ADAMTSL3: variants seen among roughly 807,000 people sequenced by gnomAD.
ADAMTSL3 encodes ADAMTS like 3, also known as ADAMTS-like protein 3.
Under a neutral mutation model 201.7 loss-of-function variants are expected in ADAMTSL3, and 128 were observed. The ratio of observed to expected loss-of-function variants is 0.63; its 90% CI spans 0.55 to 0.73. ADAMTSL3 has a LOEUF of 0.73. Among genes scored for constraint, ADAMTSL3 ranks in the 30% least tolerant of loss-of-function variants. ADAMTSL3 has a pLI of 0.00. For synonymous variants in ADAMTSL3, 738 were observed against 748.4 expected (o/e 0.99, Z 0.23); for missense variants, 1,990 against 2,119.6 (o/e 0.94, Z 1.20).
chr15:83,795,177 A>G (rs2063405180), intron 4 of ADAMTSL3, among the ~76,000 whole-genome samples: 4 of 152,110 alleles, frequency 2.6e-5, no homozygotes, highest in Non-Finnish European at 5.9e-5. Context: ...TTTAAATAGA[A>G]GATTTAATTT....
Position 84,037,925 on chromosome 15 carries a change from C to T in ADAMTSL3, c.*119C>T. 1 of 1,400,930 alleles carries T rather than the reference C, an allele frequency of 7.1e-7. No individual in the cohort carries two copies. The highest frequency in any genetic ancestry group is 2.5e-5 in the East Asian group (1 of 39,738). The allele number at this position is 1,400,930 out of a possible 1,614,324, so 86.8% of individuals were successfully genotyped here. A position where few individuals can be genotyped will look rare whatever the true frequency, so the allele number is the denominator to read the frequency against. ...AAAAGACTAGATTCTATGGATCAAA[C>T]AGAGGTTGATGCAAAAACACCACTG... is the stretch of plus-strand genomic sequence containing the variant. On this transcript the variant is annotated 3_prime_UTR_variant, in exon 30 of 30. Coordinates refer to ENST00000286744, the MANE Select transcript of ADAMTSL3 (RefSeq NM_207517.3).
chr15:83,820,281 T>C (rs1294967921), intron 6 of ADAMTSL3, among the ~76,000 whole-genome samples: 3 of 152,204 alleles, frequency 2.0e-5, no homozygotes, highest in African/African-American at 7.2e-5. Context: ...TTTCATTATG[T>C]TGGCCAGGCT....
At chr15:83,785,032 A>G (rs1269105469) in intron 4 of ADAMTSL3, among the ~76,000 whole-genome samples, 2 of 152,166 alleles carry the variant, frequency 1.3e-5, no homozygotes, top group Non-Finnish European at 2.9e-5. Context: ...TTGAGTCCCC[A>G]TTTCTTCCTT....
At chr15:83,743,207 C>A (rs145868322) in intron 3 of ADAMTSL3, among the ~76,000 whole-genome samples, 22 of 152,248 alleles carry the variant, frequency 1.4e-4, no homozygotes, top group Admixed American at 1.2e-3. Flanking sequence ...AAATCAGGAA[C>A]CTGTCTAACA....
intron 20 of ADAMTSL3, among the ~76,000 whole-genome samples, chr15:83,977,481 A>G (rs1352770475): frequency 6.6e-6 from 1 of 152,218 alleles, no homozygotes; most frequent in African/African-American, 2.4e-5. Context: ...TAAAACTACA[A>G]AATCATCCAA....
intron 17 of ADAMTSL3, among the ~76,000 whole-genome samples, chr15:83,936,306 C>T (rs924120882): frequency 6.7e-6 from 1 of 149,936 alleles, no homozygotes; most frequent in African/African-American, 2.5e-5. Flanking sequence ...AAGGGTAAAC[C>T]TAAAAATAAA....
chr15:83,811,462 A>C (rs1286043591), intron 5 of ADAMTSL3, among the ~76,000 whole-genome samples: 1 of 152,020 alleles, frequency 6.6e-6, no homozygotes, highest in Non-Finnish European at 1.5e-5. Context: ...CCAAAAAGGA[A>C]CCTATTATCA....
At chr15:83,796,021 A>G (rs2063419934) in intron 4 of ADAMTSL3, among the ~76,000 whole-genome samples, 1 of 152,234 alleles carries the variant, frequency 6.6e-6, no homozygotes, top group Admixed American at 6.5e-5. Flanking sequence ...AGTTAATAAA[A>G]TGAATACTTA....
intron 13 of ADAMTSL3, among the ~76,000 whole-genome samples, chr15:83,895,219 A>T (rs1311009666): frequency 6.6e-6 from 1 of 152,202 alleles, no homozygotes; most frequent in African/African-American, 2.4e-5. Context: ...TGGCAATTTA[A>T]GTCCTCTTTC....
intron 5 of ADAMTSL3, among the ~76,000 whole-genome samples, chr15:83,816,753 C>A (rs1857454135): frequency 1.3e-5 from 2 of 152,190 alleles, no homozygotes; most frequent in Admixed American, 1.3e-4. Context: ...TGCCTGTAAT[C>A]CCAGCACTTT....
intron 2 of ADAMTSL3, among the ~76,000 whole-genome samples, chr15:83,658,563 C>G (rs748406793): frequency 6.6e-6 from 1 of 152,172 alleles, no homozygotes; most frequent in Non-Finnish European, 1.5e-5. Context: ...CTCACTGTTC[C>G]CCTCATCCAG....
At chr15:83,732,050 C>A (rs1367953786) in intron 3 of ADAMTSL3, among the ~76,000 whole-genome samples, 1 of 151,994 alleles carries the variant, frequency 6.6e-6, no homozygotes, top group African/African-American at 2.4e-5. Context: ...CACACATACA[C>A]AAAAGTAACC....
At chr15:83,895,151 C>T (rs10468210) in intron 13 of ADAMTSL3, among the ~76,000 whole-genome samples, 3,263 of 152,250 alleles carry the variant, frequency 0.021, 126 homozygotes, top group African/African-American at 0.072. Context: ...TCTTGAGTTA[C>T]GTGCCAGAAT....
At chr15:83,723,185 T>A (rs891703998) in intron 3 of ADAMTSL3, among the ~76,000 whole-genome samples, 1 of 152,112 alleles carries the variant, frequency 6.6e-6, no homozygotes, top group Non-Finnish European at 1.5e-5. Flanking sequence ...TGGTTAATAA[T>A]CATATGGAAA....
intron 3 of ADAMTSL3, among the ~76,000 whole-genome samples, chr15:83,757,228 G>A (rs7171604): frequency 0.2 from 30,904 of 152,224 alleles, 4,117 homozygotes; most frequent in Middle Eastern, 0.37. Flanking sequence ...TTCTCCATGA[G>A]GGCTTGCCCC....
chr15:83,839,690 A>G (rs971259340), intron 7 of ADAMTSL3, among the ~76,000 whole-genome samples: 4 of 152,150 alleles, frequency 2.6e-5, no homozygotes, highest in African/African-American at 9.7e-5. Context: ...AGGTGGAGAG[A>G]TCTTTAGCAT....
chr15:83,676,646 C>G (rs1384733111), intron 2 of ADAMTSL3, among the ~76,000 whole-genome samples: 2 of 152,196 alleles, frequency 1.3e-5, no homozygotes, highest in Non-Finnish European at 2.9e-5. Context: ...CCGCTGCACT[C>G]CAGCCTGGGC....
At chr15:83,668,498 C>CTGTG (rs747149535) in intron 2 of ADAMTSL3, among the ~76,000 whole-genome samples, 52 of 150,742 alleles carry the variant, frequency 3.4e-4, no homozygotes, top group African/African-American at 1.2e-3. Context: ...TTTTTTATTT[C>CTGTG]TGTGTGTATG....
chr15:83,740,365 A>G (rs2062435112), intron 3 of ADAMTSL3, among the ~76,000 whole-genome samples: 1 of 152,224 alleles, frequency 6.6e-6, no homozygotes, highest in South Asian at 2.1e-4. Context: ...AAAGTACTCA[A>G]ATCACACCAA....
Sources: allele counts gnomAD v4.1 joint callset (sites outside exome capture counted in the v4.1 genomes callset), GRCh38; gene constraint gnomAD v4.1.1; transcripts MANE v1.5; gene names NCBI Gene and HGNC (gene_info 2026-07-23, HGNC 2026-07-21).